CACNA2D1: variants seen among roughly 807,000 people sequenced by gnomAD.
The protein encoded by CACNA2D1 is calcium voltage-gated channel auxiliary subunit alpha2delta 1, also known as voltage-dependent calcium channel subunit alpha-2/delta-1.
Under a neutral mutation model 171.5 loss-of-function variants are expected in CACNA2D1, and 53 were observed. That is an observed-to-expected ratio of 0.31 (90% CI 0.25 to 0.39). The LOEUF (loss-of-function observed/expected upper bound fraction) is 0.39. Among genes scored for constraint, CACNA2D1 ranks in the 10% least tolerant of loss-of-function variants. The pLI, the probability that CACNA2D1 is intolerant of heterozygous loss-of-function variation, is 1.00. For synonymous variants in CACNA2D1, 442 were observed against 443.1 expected, an observed-to-expected ratio of 1.00 and a Z score of 0.03; for missense variants, 903 against 1,299.8, an observed-to-expected ratio of 0.69 and a Z score of 4.69.
chr7:81,950,199 GT>G lies in CACNA2D1; in HGVS notation c.*192del. ...CATAGATGATGCAGCATTCACACAC[GT>G]TTAAGGATCTGACACCCTGACATGC... On this transcript the variant is annotated 3_prime_UTR_variant, in exon 39 of 39. Transcript: ENST00000356860. 1.1e-6 allele frequency: 1 copy of G among 909,430 alleles called. No homozygotes were observed. Among genetic ancestry groups the G allele is most frequent in the Non-Finnish European group, 1.7e-6 (1 of 603,540 alleles). 56.3% of individuals were successfully genotyped at this position (909,430 alleles called of 1,614,324 possible). A position where few individuals can be genotyped will look rare whatever the true frequency, so the allele number is the denominator to read the frequency against.
intron 4 of CACNA2D1, among the ~76,000 whole-genome samples, chr7:82,149,635 C>G (rs369067054): frequency 2.0e-5 from 3 of 151,942 alleles, no homozygotes; most frequent in African/African-American, 4.8e-5. Flanking sequence ...GAGGAGGAAG[C>G]TATAAGAGTA....
chr7:82,064,445 G>GT (rs948366878), intron 8 of CACNA2D1, 91 bp from the exon 9 acceptor site: 2 of 955,606 alleles, frequency 2.1e-6, no homozygotes, highest in Non-Finnish European at 1.7e-6. Context: ...CTGAGACAAG[G>GT]TTTTTTTCCC....
chr7:81,970,928 T>A (rs1795202481), intron 26 of CACNA2D1, 191 bp from the exon 27 acceptor site: 1 of 566,854 alleles, frequency 1.8e-6, no homozygotes. Context: ...AGACATCTCA[T>A]AGGAAATAAT....
chr7:82,281,137 T>C (rs1426718015), intron 3 of CACNA2D1, among the ~76,000 whole-genome samples: 1 of 152,150 alleles, frequency 6.6e-6, no homozygotes, highest in Non-Finnish European at 1.5e-5. Context: ...ATTTAAAGGC[T>C]CCTCTTGTTC....
At chr7:82,239,523 T>C (rs896565983) in intron 3 of CACNA2D1, among the ~76,000 whole-genome samples, 4 of 152,214 alleles carry the variant, frequency 2.6e-5, no homozygotes, top group Non-Finnish European at 5.9e-5. Context: ...GCTATTTAAA[T>C]GTATTTATTG....
rs1822566147 is a variant in CACNA2D1 at position 82,372,905 on chromosome 7, C to T, written c.96-23256G>A. ...TAATATGAATAAACACAATATCAGGCCAGGTGTGGTGGCTCATGCCTATAA... is the reference window on the plus strand; with the variant it reads ...TAATATGAATAAACACAATATCAGGTCAGGTGTGGTGGCTCATGCCTATAA... On this transcript the variant is annotated intron_variant, in intron 1 of 38. Coordinates refer to ENST00000356860, the MANE Select transcript of CACNA2D1 (RefSeq NM_000722.4). Among the ~76,000 whole-genome samples the T allele has an allele frequency of 2.0e-5, 3 of 152,138 alleles. No individual in the cohort carries two copies. In the South Asian group the frequency reaches 6.2e-4, roughly 32 times the overall value.
intron 1 of CACNA2D1, among the ~76,000 whole-genome samples, chr7:82,407,499 C>T (rs542786465): frequency 3.3e-5 from 5 of 152,100 alleles, no homozygotes; most frequent in South Asian, 4.1e-4. Context: ...AAGAGCAATG[C>T]TTGCTAAAAT....
intron 3 of CACNA2D1, among the ~76,000 whole-genome samples, chr7:82,252,546 T>C (rs903568035): frequency 1.3e-5 from 2 of 152,184 alleles, no homozygotes; most frequent in African/African-American, 4.8e-5. Flanking sequence ...GGTGTTACAC[T>C]ACTAGAAAAT....
At chr7:82,219,127 C>G (rs1801481848) in intron 3 of CACNA2D1, among the ~76,000 whole-genome samples, 1 of 152,072 alleles carries the variant, frequency 6.6e-6, no homozygotes, top group Non-Finnish European at 1.5e-5. Context: ...TCTGAGGTAG[C>G]TACCTAATAA....
At chr7:82,145,371 T>C (rs989202568) in intron 4 of CACNA2D1, among the ~76,000 whole-genome samples, 2 of 144,796 alleles carry the variant, frequency 1.4e-5, no homozygotes, top group African/African-American at 2.5e-5. Context: ...TTACACATTA[T>C]ATATTATATA....
chr7:81,989,640 A>C (rs758321321), intron 21 of CACNA2D1, among the ~76,000 whole-genome samples: 22 of 152,176 alleles, frequency 1.4e-4, no homozygotes, highest in Non-Finnish European at 2.2e-4. Context: ...AGAGGTCATG[A>C]ATTTTAGGTG....
At chr7:82,057,788 A>G (rs78727895) in intron 10 of CACNA2D1, among the ~76,000 whole-genome samples, 3,227 of 152,218 alleles carry the variant, frequency 0.021, 124 homozygotes, top group African/African-American at 0.072. Flanking sequence ...GGTTCCTCCT[A>G]TCAGGCAAGC....
At chr7:82,239,971 T>A (rs1190709190) in intron 3 of CACNA2D1, among the ~76,000 whole-genome samples, 2 of 152,178 alleles carry the variant, frequency 1.3e-5, no homozygotes, top group Non-Finnish European at 1.5e-5. Context: ...GATTAGGACA[T>A]TAAGTATAAA....
chr7:82,278,969 C>A (rs989916076), intron 3 of CACNA2D1, among the ~76,000 whole-genome samples: 2 of 152,132 alleles, frequency 1.3e-5, no homozygotes, highest in Non-Finnish European at 2.9e-5. Context: ...TAAGCAAAAC[C>A]ATGTGACTTC....
intron 5 of CACNA2D1, among the ~76,000 whole-genome samples, chr7:82,134,542 A>T (rs1387083361): frequency 1.3e-5 from 2 of 152,200 alleles, no homozygotes; most frequent in Non-Finnish European, 1.5e-5. Flanking sequence ...AATGCTGACC[A>T]TCATAGTTTT....
intron 1 of CACNA2D1, among the ~76,000 whole-genome samples, chr7:82,434,463 T>C (rs1166504692): frequency 1.3e-5 from 2 of 152,140 alleles, no homozygotes; most frequent in Non-Finnish European, 2.9e-5. Context: ...CTTAATTAGT[T>C]ATTAATTAAG....
intron 6 of CACNA2D1, among the ~76,000 whole-genome samples, chr7:82,102,426 T>C (rs1812783102): frequency 8.7e-6 from 1 of 114,444 alleles, no homozygotes; most frequent in Non-Finnish European, 2.1e-5. Flanking sequence ...TAAGTGGAAA[T>C]ACCATATTTG....
chr7:81,977,350 C>T lies in CACNA2D1; in HGVS notation c.1956-2798G>A, dbSNP rs1795958020. ...TTGGTTCTATTTATCTGATGGATTACAAGGCTACAGTAACCAAAACAGCAT... is the reference window on the plus strand; with the variant it reads ...TTGGTTCTATTTATCTGATGGATTATAAGGCTACAGTAACCAAAACAGCAT... On this transcript the variant is annotated intron_variant, in intron 24 of 38. Transcript: ENST00000356860. Among the ~76,000 whole-genome samples the T allele has an allele frequency of 2.6e-5, 4 of 152,018 alleles. No individual in the cohort carries two copies. The South Asian group carries it at 8.3e-4, about 32-fold the overall frequency.
intron 3 of CACNA2D1, among the ~76,000 whole-genome samples, chr7:82,232,390 C>A (rs1803038615): frequency 6.6e-6 from 1 of 152,050 alleles, no homozygotes; most frequent in African/African-American, 2.4e-5. Flanking sequence ...TCAGAAAAAT[C>A]ATCCATTTTC....
Sources: gnomAD v4.1 joint callset for allele counts (sites outside exome capture counted in the v4.1 genomes callset) on GRCh38, gnomAD v4.1.1 for gene constraint, MANE v1.5 for transcripts, NCBI Gene and HGNC (gene_info 2026-07-23, HGNC 2026-07-21) for gene names.